LITAF: variants seen among roughly 807,000 people sequenced by gnomAD.
LITAF encodes the protein lipopolysaccharide induced TNF factor, also known as lipopolysaccharide-induced tumor necrosis factor-alpha factor.
LITAF carries 9 observed loss-of-function variants against 14.5 expected under a neutral mutation model. The observed-to-expected ratio is 0.62, with a 90% CI of 0.37 to 1.08. LITAF has a LOEUF of 1.08. Among genes scored for constraint, LITAF ranks in the 50% least tolerant of loss-of-function variants. LITAF has a pLI of 0.01. For missense variants in LITAF, 206 were observed against 213.4 expected, an observed-to-expected ratio of 0.97 and a Z score of 0.22; for synonymous variants, 98 against 88.2, an observed-to-expected ratio of 1.11 and a Z score of -0.62.
At chr16:11,610,654 T>C (rs1254792234) in intron 3 of LITAF, among the ~76,000 whole-genome samples, 1 of 152,084 alleles carries the variant, frequency 6.6e-6, no homozygotes, top group Non-Finnish European at 1.5e-5. Flanking sequence ...AAAAAAACCA[T>C]CGCCCAGTGG....
intron 1 of LITAF, chr16:11,561,582 G>A (rs1168759669): frequency 2.0e-5 from 3 of 152,150 alleles, no homozygotes; most frequent in Non-Finnish European, 4.4e-5. Context: ...ATTCTGAAAA[G>A]AACAAGAGCA....
chr16:11,563,521 T>C (rs1317961896), intron 1 of LITAF, among the ~76,000 whole-genome samples: 1 of 152,144 alleles, frequency 6.6e-6, no homozygotes, highest in Non-Finnish European at 1.5e-5. Context: ...ATTTGAACTC[T>C]GGAGGGATCA....
At chr16:11,628,296 T>C (rs973888042) in intron 3 of LITAF, among the ~76,000 whole-genome samples, 5 of 152,154 alleles carry the variant, frequency 3.3e-5, no homozygotes, top group African/African-American at 9.7e-5. Context: ...ATTTTCCATG[T>C]TTGCGTGTCT....
chr16:11,586,301 CCCCAGGGTCT>C lies in LITAF; in HGVS notation c.-6+575_-6+584del, dbSNP rs1352306190. The C allele has an allele frequency of 6.6e-6, 1 of 152,296 alleles. No homozygotes were observed. The highest frequency in any genetic ancestry group is 2.4e-5 in the African/African-American group (1 of 41,486). The allele number at this position is 152,296 out of a possible 1,614,324, so 9.4% of individuals were successfully genotyped here. On this transcript the variant is annotated intron_variant, in intron 1 of 3. Transcript: ENST00000622633. This position sits in a 1 kb window ranked among gnomAD's most constrained non-coding sequence, Gnocchi z 6.5. ...CCGCTTCGCTCTCTGATTTTCACCT[CCCCAGGGTCT>C]CCCAGGGGCCTCGGGTGTCCTTCCC... is the stretch of plus-strand genomic sequence containing the variant.
chr16:11,598,287 C>CT (rs35125387), intron 1 of LITAF: 93,820 of 139,748 alleles, frequency 0.67, 32,156 homozygotes, highest in African/African-American at 0.85. Flanking sequence ...GGGCCTGAGC[C>CT]TTTTTTTTTT....
chr16:11,572,261 C>T (rs1311844191), intron 1 of LITAF, among the ~76,000 whole-genome samples: 3 of 152,070 alleles, frequency 2.0e-5, no homozygotes, highest in Non-Finnish European at 4.4e-5. Flanking sequence ...AGGGTCTGCA[C>T]GAAGCCCTTG....
chr16:11,616,043 C>T (rs551487652), intron 3 of LITAF, among the ~76,000 whole-genome samples: 2 of 152,142 alleles, frequency 1.3e-5, no homozygotes, highest in African/African-American at 2.4e-5. Context: ...TTTCTGGGAG[C>T]GTTCAGGTTG....
At chr16:11,638,235 C>T (rs1053493199), upstream of LITAF, among the ~76,000 whole-genome samples, 1 of 151,362 alleles carries the variant, frequency 6.6e-6, no homozygotes. Flanking sequence ...AAGATGGGAA[C>T]AGTAATAGTC....
chr16:11,580,261 G>GTTT (rs371546590), intron 1 of LITAF, among the ~76,000 whole-genome samples: 3 of 145,534 alleles, frequency 2.1e-5, no homozygotes, highest in Non-Finnish European at 4.6e-5. Flanking sequence ...AACCAGTGAA[G>GTTT]TTTTTTTTTT....
rs149614171 is a variant in LITAF at position 11,547,819 on chromosome 16, G to A, written c.*1818C>T. On this transcript the variant is annotated 3_prime_UTR_variant, in exon 4 of 4. Transcript: ENST00000622633. ...ATAGCCTCATGTTCAAATCTGACTC[G>A]TTAGCAAATCCACCCAACTCAACAT... 7 of 453,894 alleles carry A rather than the reference G, an allele frequency of 1.5e-5. No homozygotes were observed. Among genetic ancestry groups the A allele is most frequent in the African/African-American group, 6.0e-5 (3 of 49,964 alleles). The allele number at this position is 453,894 out of a possible 1,614,324, so 28.1% of individuals were successfully genotyped here. A position where few individuals can be genotyped will look rare whatever the true frequency, so the allele number is the denominator to read the frequency against.
rs11865386 is a variant in LITAF, at chr16:11,552,078, T to C, written c.377+1455A>G. Among the ~76,000 whole-genome samples, 4,038 of 152,280 alleles carry C rather than the reference T, an allele frequency of 0.027. 170 individuals are homozygous for C. Among genetic ancestry groups the C allele is most frequent in the African/African-American group, 0.088 (3,646 of 41,536 alleles). On this transcript the variant is annotated intron_variant, in intron 3 of 3. Coordinates refer to ENST00000622633, the MANE Select transcript of LITAF (RefSeq NM_001136472.2). ...AAGTTAACTAAACTCTCTGGGACTC[T>C]GAGCCTCTTATTGAAGTTAGGAAGA...
Position 11,634,079 on chromosome 16 carries a change from C to CA in LITAF, c.-20-443dup, listed in dbSNP as rs1389138578. On this transcript the variant is annotated intron_variant, in intron 2 of 3. Transcript: ENST00000574848. This position sits in a 1 kb window ranked among gnomAD's most constrained non-coding sequence, Gnocchi z 4.1. ...GGACATACAGAACCTCAACAACTCA[C>CA]ATGCAAATGGACACACAGACATGAA... Among the ~76,000 whole-genome samples, 1 of 152,204 alleles carries CA rather than the reference C, an allele frequency of 6.6e-6. No homozygotes were observed. Among genetic ancestry groups the CA allele is most frequent in the African/African-American group, 2.4e-5 (1 of 41,458 alleles).
chr16:11,638,097 T>G (rs1294992155), upstream of LITAF, among the ~76,000 whole-genome samples: 55 of 120,204 alleles, frequency 4.6e-4, 1 homozygote, highest in Admixed American at 1.4e-3. Flanking sequence ...TCTATCTATC[T>G]ATATATATAT....
upstream of LITAF, among the ~76,000 whole-genome samples, chr16:11,587,906 G>C (rs1159361522): frequency 6.6e-6 from 1 of 152,150 alleles, no homozygotes; most frequent in Admixed American, 6.5e-5. Flanking sequence ...TGGACAGGGA[G>C]CTTCCGAGCC....
chr16:11,604,585 T>G (rs184299229), intron 3 of LITAF, among the ~76,000 whole-genome samples: 3 of 148,840 alleles, frequency 2.0e-5, no homozygotes, highest in African/African-American at 7.5e-5. Context: ...GGCAGGAGGA[T>G]TGCTTGAGCC....
intron 3 of LITAF, among the ~76,000 whole-genome samples, chr16:11,613,772 G>A (rs566531008): frequency 3.3e-5 from 5 of 152,366 alleles, no homozygotes; most frequent in Admixed American, 1.3e-4. Context: ...AGGGCACAGA[G>A]GTGGCTGGGG....
chr16:11,603,819 C>T (rs1413837048), intron 3 of LITAF, among the ~76,000 whole-genome samples: 1 of 148,510 alleles, frequency 6.7e-6, no homozygotes, highest in Admixed American at 6.7e-5. Flanking sequence ...CTGAGGCGGG[C>T]GGATCACAAG....
At chr16:11,597,454 C>A (rs1169228676) in intron 1 of LITAF, among the ~76,000 whole-genome samples, 1 of 152,136 alleles carries the variant, frequency 6.6e-6, no homozygotes, top group Non-Finnish European at 1.5e-5. Flanking sequence ...TCTCTCCCAG[C>A]AACCCTATAA....
At chr16:11,581,202 T>A (rs1052489112) in intron 1 of LITAF, among the ~76,000 whole-genome samples, 1 of 152,270 alleles carries the variant, frequency 6.6e-6, no homozygotes, top group Admixed American at 6.5e-5. Context: ...TAATCTATCA[T>A]CAGTTTATTT....
Sources: allele counts gnomAD v4.1 joint callset (sites outside exome capture counted in the v4.1 genomes callset), GRCh38; gene constraint gnomAD v4.1.1; non-coding constraint Gnocchi (gnomAD v3.1); transcripts MANE v1.5; gene names NCBI Gene and HGNC (gene_info 2026-07-23, HGNC 2026-07-21).